Variants in LIPK observed in about 807,000 individuals in gnomAD.
LIPK encodes lipase family member K, also known as lipase member K.
In LIPK, 32 loss-of-function variants were observed where a neutral mutation model predicts 48.6. The observed-to-expected ratio is 0.66, with a 90% confidence interval of 0.50 to 0.88. LIPK has a LOEUF of 0.88. Among genes scored for constraint, LIPK ranks in the 40% least tolerant of loss-of-function variants. The probability of loss-of-function intolerance (pLI) is 0.00; values close to 1 mark genes in which losing one functional copy is unlikely to be tolerated. For synonymous variants in LIPK, 164 were observed against 157.4 expected (o/e 1.04, Z -0.32); for missense variants, 507 against 478.5 (o/e 1.06, Z -0.56).
At chr10:88,707,933 G>A (rs909615329) in intron 1 of LIPK, among the ~76,000 whole-genome samples, 2 of 152,148 alleles carry the variant, frequency 1.3e-5, no homozygotes, top group African/African-American at 4.8e-5. Flanking sequence ...AGAGCTTTAT[G>A]AAGGATGCTG....
At chr10:88,724,110 T>C (rs904846519) in intron 1 of LIPK, among the ~76,000 whole-genome samples, 1 of 152,168 alleles carries the variant, frequency 6.6e-6, no homozygotes, top group Non-Finnish European at 1.5e-5. Flanking sequence ...TGTTAACAAA[T>C]TTTTTTCATA....
At chr10:88,747,147 T>C (rs1395306441) in intron 9 of LIPK, among the ~76,000 whole-genome samples, 2 of 152,126 alleles carry the variant, frequency 1.3e-5, no homozygotes, top group African/African-American at 4.8e-5. Flanking sequence ...GAAAAAGCCC[T>C]GGACCAGAAT....
intron 6 of LIPK, among the ~76,000 whole-genome samples, chr10:88,736,564 G>T (rs1590152349): frequency 6.6e-6 from 1 of 152,076 alleles, no homozygotes; most frequent in Admixed American, 6.6e-5. Context: ...TAAAGTAAAA[G>T]GCAGGATCTG....
chr10:88,732,101 T>C, intron 4 of LIPK, 77 bp from the exon 5 acceptor site: 1 of 907,482 alleles, frequency 1.1e-6, no homozygotes, highest in Non-Finnish European at 1.7e-6. Flanking sequence ...TATTTATGTC[T>C]TCACTGAACG....
At chr10:88,713,697 T>C (rs1842064562) in intron 1 of LIPK, among the ~76,000 whole-genome samples, 1 of 152,112 alleles carries the variant, frequency 6.6e-6, no homozygotes, top group South Asian at 2.1e-4. Context: ...TCCCAGCACT[T>C]TGGGAGGCCG....
chr10:88,727,933 G>T lies in LIPK; in HGVS notation c.223+1021G>T, dbSNP rs1288806431. 5 of 371,548 alleles carry T rather than the reference G, an allele frequency of 1.3e-5. No individual in the cohort carries two copies. The East Asian group carries it at 3.4e-4, about 26-fold the overall frequency. The allele number at this position is 371,548 out of a possible 1,614,324, so 23.0% of individuals were successfully genotyped here. A position where few individuals can be genotyped will look rare whatever the true frequency, so the allele number is the denominator to read the frequency against. ...AGCAGAAGACAGCTGGGAGAACGTG[G>T]ACAACATGGAGAGCTGCATCAACAA... On this transcript the variant is annotated intron_variant, in intron 3 of 9. Coordinates refer to ENST00000404190, the MANE Select transcript of LIPK (RefSeq NM_001080518.2).
chr10:88,739,243 C>T (rs75241384), intron 7 of LIPK, among the ~76,000 whole-genome samples: 484 of 152,232 alleles, frequency 3.2e-3, no homozygotes, highest in African/African-American at 0.011. Context: ...ATTCAGAAAA[C>T]GAACGTCAAC....
At chr10:88,724,024 C>T (rs116861529) in intron 1 of LIPK, among the ~76,000 whole-genome samples, 151 of 152,172 alleles carry the variant, frequency 9.9e-4, no homozygotes, top group Non-Finnish European at 1.7e-3. Flanking sequence ...ATATACACGT[C>T]ATTTTTCTTT....
At position 88,731,149 on chromosome 10, in the gene LIPK, G is replaced by T. The variant is rs748079239; in HGVS notation, c.390G>T (p.Leu130Phe). Reference sequence around the variant, plus strand: ...CTTGGTCCAGAAAACACCTTAAATTGTCACCGAAATCACCGGAATACTGGG... The same window carrying T: ...CTTGGTCCAGAAAACACCTTAAATTTTCACCGAAATCACCGGAATACTGGG... Reference protein sequence around the residue: ...GNTWSRKHLKLSPKSPEYWAF... With the variant: ...GNTWSRKHLKFSPKSPEYWAF... Residue 130 changes from leucine (L) to phenylalanine (F), a missense_variant, in exon 4 of 10, where the codon TTG becomes TTT. Leu to Phe is a conservative substitution (Grantham distance 22). Coordinates refer to ENST00000404190, the MANE Select transcript of LIPK (RefSeq NM_001080518.2). The T allele has an allele frequency of 1.9e-6, 3 of 1,588,322 alleles. No homozygotes were observed. The highest frequency in any genetic ancestry group is 3.7e-5 in the Admixed American group (2 of 53,700).
intron 2 of LIPK, among the ~76,000 whole-genome samples, chr10:88,725,380 T>C (rs6586151): frequency 0.065 from 9,847 of 152,276 alleles, 740 homozygotes; most frequent in African/African-American, 0.18. Flanking sequence ...AATCCTTCTA[T>C]AATGATAAGA....
At chr10:88,719,195 T>C (rs1842174818) in intron 1 of LIPK, among the ~76,000 whole-genome samples, 1 of 152,206 alleles carries the variant, frequency 6.6e-6, no homozygotes, top group East Asian at 1.9e-4. Flanking sequence ...TTTATAGACA[T>C]TATTTATCAT....
intron 9 of LIPK, among the ~76,000 whole-genome samples, chr10:88,744,857 C>T (rs903745799): frequency 1.2e-4 from 19 of 152,054 alleles, no homozygotes; most frequent in African/African-American, 4.6e-4. Context: ...AAAGTTGAAA[C>T]TCAGTCCAAG....
intron 2 of LIPK, among the ~76,000 whole-genome samples, chr10:88,725,823 ACT>A (rs1200961466): frequency 6.6e-6 from 1 of 152,020 alleles, no homozygotes; most frequent in Admixed American, 6.6e-5. Context: ...CTCTAGGCTC[ACT>A]CTCTGTTCTT....
chr10:88,714,704 T>G lies in LIPK; in HGVS notation c.-12+8384T>G, dbSNP rs116356868. On this transcript the variant is annotated intron_variant, in intron 1 of 9. Coordinates refer to ENST00000404190, the MANE Select transcript of LIPK (RefSeq NM_001080518.2). ...CAGAATATTCTCTTATTTTATTGTTTGTATTGTTAATGATATGTACTATTT... is the reference window on the plus strand; with the variant it reads ...CAGAATATTCTCTTATTTTATTGTTGGTATTGTTAATGATATGTACTATTT... 2.6e-3 allele frequency among the ~76,000 whole-genome samples: 389 copies of G among 152,276 alleles called. 4 individuals are homozygous for G. The highest frequency in any genetic ancestry group is 8.7e-3 in the African/African-American group (363 of 41,590).
intron 1 of LIPK, among the ~76,000 whole-genome samples, chr10:88,709,203 A>G (rs1438896974): frequency 1.3e-5 from 2 of 152,182 alleles, no homozygotes; most frequent in African/African-American, 4.8e-5. Flanking sequence ...CTGAGAAACC[A>G]TGTTTACATA....
chr10:88,733,639 A>G (rs1237593497), intron 6 of LIPK, among the ~76,000 whole-genome samples: 3 of 152,224 alleles, frequency 2.0e-5, no homozygotes, highest in Admixed American at 6.5e-5. Flanking sequence ...ACTATTAAGT[A>G]AACAATGTCA....
intron 3 of LIPK, among the ~76,000 whole-genome samples, chr10:88,729,270 G>GGGGGA: frequency 7.3e-6 from 1 of 136,176 alleles, no homozygotes; most frequent in Non-Finnish European, 1.6e-5. Flanking sequence ...GGGGGCGGGG[G>GGGGGA]AAGAGCAATT....
At chr10:88,721,223 G>T (rs927735100) in intron 1 of LIPK, among the ~76,000 whole-genome samples, 10 of 151,998 alleles carry the variant, frequency 6.6e-5, no homozygotes, top group African/African-American at 1.9e-4. Context: ...TGTCGATGTG[G>T]GACACATGAG....
chr10:88,716,000 A>G (rs2134691960), intron 1 of LIPK, among the ~76,000 whole-genome samples: 1 of 152,258 alleles, frequency 6.6e-6, no homozygotes, highest in Non-Finnish European at 1.5e-5. Context: ...TATGAGTTAC[A>G]CCACCATATT....
Sources: gnomAD v4.1 joint callset for allele counts (sites outside exome capture counted in the v4.1 genomes callset) on GRCh38, gnomAD v4.1.1 for gene constraint, MANE v1.5 for transcripts, NCBI Gene and HGNC (gene_info 2026-07-23, HGNC 2026-07-21) for gene names.